The following MTMR9 variants were observed in gnomAD, a reference collection of about 807,000 sequenced individuals.
MTMR9 encodes the protein myotubularin-related protein 9.
Under a neutral mutation model 69.5 loss-of-function variants are expected in MTMR9, and 39 were observed. The ratio of observed to expected loss-of-function variants is 0.56; its 90% CI spans 0.43 to 0.73. MTMR9 has a LOEUF of 0.73. MTMR9 is among the 30% of genes least tolerant of loss of function. MTMR9 has a pLI of 0.00. For missense variants in MTMR9, 900 were observed against 671.2 expected, an observed-to-expected ratio of 1.34 and a Z score of -3.77; for synonymous variants, 354 against 240.8, an observed-to-expected ratio of 1.47 and a Z score of -4.35.
At chr8:11,287,271 C>A (rs1030651835) in intron 1 of MTMR9, among the ~76,000 whole-genome samples, 4 of 152,146 alleles carry the variant, frequency 2.6e-5, no homozygotes, top group African/African-American at 9.7e-5. Flanking sequence ...TCTCCATGAC[C>A]ATCAACTACC....
chr8:11,322,643 A>G lies in MTMR9; in HGVS notation c.1505A>G (p.Asn502Ser), dbSNP rs138813559. The G allele has an allele frequency of 1.5e-4, 243 of 1,613,726 alleles. No individual in the cohort carries two copies. In the African/African-American group the frequency reaches 1.7e-3, roughly 12 times the overall value. ...PLWEGIFLRWNRSSKYLDEAY... is the reference protein window; with the variant it reads ...PLWEGIFLRWSRSSKYLDEAY... ...TCAATAGGTATTTTCCTACGTTGGA[A>G]TAGATCCTCTAAGTATTTGGATGAA... is the stretch of plus-strand genomic sequence containing the variant. Residue 502 changes from asparagine to serine, a missense_variant, in exon 10 of 10, where the codon AAT becomes AGT. Asn to Ser is a conservative substitution (Grantham distance 46). Transcript: ENST00000221086.
chr8:11,312,573 C>G (rs141126831), intron 6 of MTMR9, among the ~76,000 whole-genome samples: 1 of 152,196 alleles, frequency 6.6e-6, no homozygotes, highest in Non-Finnish European at 1.5e-5. Context: ...AGTGACTTCT[C>G]CAGTAAAGCC....
chr8:11,310,381 G>A (rs1800149572), intron 6 of MTMR9, among the ~76,000 whole-genome samples: 1 of 152,304 alleles, frequency 6.6e-6, no homozygotes, highest in Admixed American at 6.5e-5. Context: ...GTAGATATAA[G>A]TATTATCACC....
intron 3 of MTMR9, 126 bp downstream of exon 3, chr8:11,300,274 A>T (rs749210302): frequency 1.9e-6 from 2 of 1,056,060 alleles, no homozygotes; most frequent in Admixed American, 2.3e-5. Context: ...TAATCTTAAT[A>T]TATTTAAAAG....
chr8:11,303,604 G>C (rs1429760029), intron 3 of MTMR9, among the ~76,000 whole-genome samples: 2 of 152,096 alleles, frequency 1.3e-5, no homozygotes, highest in African/African-American at 2.4e-5. Context: ...CGCTGTCACA[G>C]CTCACTGTGG....
rs1800347906 is a variant in MTMR9 at position 11,314,892 on chromosome 8, C to T, written c.972-31C>T. 2.5e-6 allele frequency: 4 copies of T among 1,607,020 alleles called. No individual in the cohort carries two copies. In the South Asian group the frequency reaches 4.4e-5, roughly 18 times the overall value. ...TTCATTGACCATGTTGGACATTTCC[C>T]ATTTGTACTCTTCCCTGATTTTCCT... is the stretch of plus-strand genomic sequence containing the variant. On this transcript the variant is annotated intron_variant, in intron 6 of 9. Transcript: ENST00000221086.
chr8:11,304,191 C>T (rs1373358032), intron 3 of MTMR9, among the ~76,000 whole-genome samples: 8 of 151,994 alleles, frequency 5.3e-5, no homozygotes, highest in Admixed American at 4.6e-4. Flanking sequence ...TCATTGACTC[C>T]TAAGCTTAAC....
intron 9 of MTMR9, chr8:11,320,505 G>T (rs1351968104): frequency 6.6e-6 from 1 of 150,714 alleles, no homozygotes; most frequent in East Asian, 1.9e-4. Flanking sequence ...CAGGTGAGTG[G>T]ATCACTTGAG....
At position 11,284,901 on chromosome 8, in the gene MTMR9, G is replaced by A; in HGVS notation, c.13G>A (p.Glu5Lys). 6.2e-7 allele frequency: 1 copy of A among 1,607,128 alleles called. No individual in the cohort carries two copies. The highest frequency in any genetic ancestry group is 8.5e-7 in the Non-Finnish European group (1 of 1,176,772). Residue 5 changes from glutamate to lysine, a missense_variant, in exon 1 of 10, where the codon GAG becomes AAG. By Grantham distance (56) the Glu-to-Lys change is moderately conservative. Transcript: ENST00000221086. MEFA[E>K]LIKTPRVDNV... is the part of the protein sequence containing the mutation. ...GCCGCGGGGGAGCATGGAGTTTGCGGAGCTGATTAAGACCCCGCGGGTGGA... is the reference window on the plus strand; with the variant it reads ...GCCGCGGGGGAGCATGGAGTTTGCGAAGCTGATTAAGACCCCGCGGGTGGA...
chr8:11,320,700 T>G (rs1284927581), intron 9 of MTMR9: 2 of 152,146 alleles, frequency 1.3e-5, no homozygotes, highest in East Asian at 3.9e-4. Flanking sequence ...GCTACTGCAC[T>G]TTAGCCAGGG....
At position 11,322,649 on chromosome 8, in the gene MTMR9, C is replaced by G. The variant is rs761468777; in HGVS notation, c.1511C>G (p.Ser504Cys). 1 of 1,613,582 alleles carries G rather than the reference C, an allele frequency of 6.2e-7. No individual in the cohort carries two copies. The highest frequency in any genetic ancestry group is 8.5e-7 in the Non-Finnish European group (1 of 1,179,738). ...WEGIFLRWNR[S>C]SKYLDEAYEE... ...GGTATTTTCCTACGTTGGAATAGATCCTCTAAGTATTTGGATGAAGCATAT... is the reference window on the plus strand; with the variant it reads ...GGTATTTTCCTACGTTGGAATAGATGCTCTAAGTATTTGGATGAAGCATAT... The change falls in exon 10 of 10, where the codon TCC becomes TGC. Residue 504 changes from serine (S) to cysteine (C), a missense_variant. Ser to Cys is a moderately radical substitution (Grantham distance 112). Transcript: ENST00000221086.
At chr8:11,333,647 AT>A in the MTMR9 span, among the ~76,000 whole-genome samples, 3 of 152,192 alleles carry the variant, frequency 2.0e-5, no homozygotes, top group African/African-American at 7.2e-5. Flanking sequence ...ATCAGTTTTT[AT>A]TTTCCATAGG....
chr8:11,289,551 A>G (rs907250180), intron 1 of MTMR9, among the ~76,000 whole-genome samples: 3 of 151,980 alleles, frequency 2.0e-5, no homozygotes, highest in African/African-American at 7.3e-5. Context: ...CATCATTTTC[A>G]TGATTGATTC....
At chr8:11,317,506 TTCTCTGAGAA>T (rs1800476067) in intron 8 of MTMR9, 1 of 152,142 alleles carries the variant, frequency 6.6e-6, no homozygotes, top group South Asian at 2.1e-4. Context: ...GGGTTTGCGC[TTCTCTGAGAA>T]TCTGATGCTG....
Position 11,295,198 on chromosome 8 carries a change from G to T in MTMR9, c.187G>T (p.Val63Leu), listed in dbSNP as rs777874623. 1 of 1,578,956 alleles carries T rather than the reference G, an allele frequency of 6.3e-7. No individual in the cohort carries two copies. Among genetic ancestry groups the T allele is most frequent in the Non-Finnish European group, 8.7e-7 (1 of 1,151,676 alleles). Residue 63 changes from valine (V) to leucine (L), a missense_variant, in exon 2 of 10, where the codon GTA becomes TTA. Physicochemically the swap from Val to Leu is conservative, Grantham distance 32. Coordinates refer to ENST00000221086, the MANE Select transcript of MTMR9 (RefSeq NM_015458.4). Reference protein sequence around the residue: ...SNIDAIDKRFVGSLGTIIIKC... With the variant: ...SNIDAIDKRFLGSLGTIIIKC... Reference sequence around the variant, plus strand: ...ATGATTTGCAATTTCTTACAGATTTGTAGGATCACTGGGTACCATCATCAT... The same window carrying T: ...ATGATTTGCAATTTCTTACAGATTTTTAGGATCACTGGGTACCATCATCAT...
At chr8:11,338,727 T>C in the MTMR9 span, among the ~76,000 whole-genome samples, 6 of 152,182 alleles carry the variant, frequency 3.9e-5, no homozygotes, top group Non-Finnish European at 7.3e-5. Context: ...AAAAATTACA[T>C]TTTTTGCTCA....
At chr8:11,332,487 T>C (rs369644811), downstream of MTMR9, among the ~76,000 whole-genome samples, 318 of 152,174 alleles carry the variant, frequency 2.1e-3, 1 homozygote, top group African/African-American at 7.3e-3. Context: ...AGAATATCAA[T>C]AAAAATATAA....
intron 6 of MTMR9, among the ~76,000 whole-genome samples, chr8:11,312,299 C>G (rs755565264): frequency 9.9e-5 from 15 of 152,072 alleles, no homozygotes; most frequent in Non-Finnish European, 2.2e-4. Flanking sequence ...ATCCTCCTGC[C>G]TCAGCCTCCC....
chr8:11,305,542 C>T (rs985745984), intron 4 of MTMR9, among the ~76,000 whole-genome samples: 24 of 152,220 alleles, frequency 1.6e-4, no homozygotes, highest in African/African-American at 3.6e-4. Context: ...CTAAACCATT[C>T]GCCAGGGAAG....
Sources: allele counts gnomAD v4.1 joint callset (sites outside exome capture counted in the v4.1 genomes callset), GRCh38; gene constraint gnomAD v4.1.1; transcripts MANE v1.5; gene names NCBI Gene and HGNC (gene_info 2026-07-23, HGNC 2026-07-21).